Variants in HYDIN observed in about 807,000 individuals in gnomAD.
The protein encoded by HYDIN is HYDIN axonemal central pair apparatus protein, also known as axonemal central pair apparatus protein HYDIN.
In HYDIN, 132 loss-of-function variants were observed where a neutral mutation model predicts 403.9. The observed-to-expected ratio is 0.33, with a 90% CI of 0.28 to 0.38. HYDIN has a LOEUF of 0.38. HYDIN is among the 10% of genes least tolerant of loss of function. The probability of loss-of-function intolerance (pLI) is 1.00; values close to 1 mark genes in which losing one functional copy is unlikely to be tolerated. For missense variants in HYDIN, 2,827 were observed against 5,009.5 expected, an observed-to-expected ratio of 0.56 and a Z score of 13.15; for synonymous variants, 1,202 against 1,891.7, an observed-to-expected ratio of 0.64 and a Z score of 9.46.
At chr16:70,876,107 C>A (rs1480398546) in intron 62 of HYDIN, among the ~76,000 whole-genome samples, 3 of 151,516 alleles carry the variant, frequency 2.0e-5, no homozygotes, top group African/African-American at 7.3e-5. Flanking sequence ...CAAGGTCAGT[C>A]TCACTTTCTG....
At chr16:71,000,926 G>A (rs1422384755) in intron 23 of HYDIN, among the ~76,000 whole-genome samples, 5 of 152,112 alleles carry the variant, frequency 3.3e-5, no homozygotes, top group Admixed American at 6.6e-5. Flanking sequence ...GCTCATGAGC[G>A]CGGACATTGA....
rs771889255 is a variant in HYDIN at position 71,184,901 on chromosome 16, G to A, written c.225C>T (p.Ile75=). ...TTGTTTCCCCCATATCTAAGAGTTC[G>A]ATGATCTGTGGTCGGCACATCAAAC... ...KTRLMCRPQI[I]ELLDMGETTH... The change falls in exon 3 of 86, where the codon ATC becomes ATT. Residue 75 remains isoleucine (I), a synonymous_variant. Transcript: ENST00000393567. 1.2e-5 allele frequency: 20 copies of A among 1,609,376 alleles called. No individual in the cohort carries two copies. Among genetic ancestry groups the A allele is most frequent in the Middle Eastern group, 1.6e-4 (1 of 6,066 alleles).
chr16:70,974,220 CCT>C lies in HYDIN; in HGVS notation c.4988_4989del (p.Gln1663ArgfsTer69), dbSNP rs1460731879. 1 of 1,586,706 alleles carries C rather than the reference CCT, an allele frequency of 6.3e-7. No homozygotes were observed. Among genetic ancestry groups the C allele is most frequent in the African/African-American group, 1.4e-5 (1 of 73,852 alleles). ...TTGCTTCCAACAGGAAGATTGGCCC[CCT>C]GTGGGTCAAATCTCACTTCAAATAT... is the stretch of plus-strand genomic sequence containing the variant. ...TEIFEVRFDP[Q>X]GANLPVGSKE... On this transcript the variant is annotated frameshift_variant, in exon 33 of 86. Coordinates refer to ENST00000393567, the MANE Select transcript of HYDIN (RefSeq NM_001270974.2). LOFTEE classifies it high-confidence loss of function.
At chr16:70,861,158 T>C (rs2039389794) in intron 69 of HYDIN, among the ~76,000 whole-genome samples, 1 of 152,178 alleles carries the variant, frequency 6.6e-6, no homozygotes, top group Non-Finnish European at 1.5e-5. Flanking sequence ...AAAATATTCC[T>C]GCTGCAAAAT....
chr16:70,938,492 G>A lies in HYDIN; in HGVS notation c.6995+122C>T, dbSNP rs569172636. On this transcript the variant is annotated intron_variant, in intron 44 of 85. Coordinates refer to ENST00000393567, the MANE Select transcript of HYDIN (RefSeq NM_001270974.2). The stretch of plus-strand genomic sequence containing the variant: ...CTGCTCCTTGCAGGTCACCTTCCAG[G>A]GCCTTCTGCAGCTCCTGCTGCCTGC... 607 of 735,564 alleles carry A rather than the reference G, an allele frequency of 8.3e-4. 7 individuals are homozygous for A. The South Asian group carries it at 0.01, about 12-fold the overall frequency. 45.6% of individuals were successfully genotyped at this position (735,564 alleles called of 1,614,324 possible).
chr16:71,014,495 G>A (rs997498415), intron 23 of HYDIN, among the ~76,000 whole-genome samples: 3 of 151,654 alleles, frequency 2.0e-5, no homozygotes, highest in Non-Finnish European at 4.4e-5. Flanking sequence ...CTTTGGTGGC[G>A]GGCATGTGAC....
At chr16:70,926,058 CCTCAGGGAT>C (rs1480322627) in intron 45 of HYDIN, among the ~76,000 whole-genome samples, 1 of 150,728 alleles carries the variant, frequency 6.6e-6, no homozygotes, top group Non-Finnish European at 1.5e-5. Context: ...TGTGGCGATT[CCTCAGGGAT>C]CTAGAACTAG....
chr16:71,051,562 C>T (rs1346756156), intron 18 of HYDIN, among the ~76,000 whole-genome samples: 1 of 150,038 alleles, frequency 6.7e-6, no homozygotes, highest in East Asian at 2.0e-4. Context: ...AGGAGAATGG[C>T]ATGAACCCAG....
At chr16:71,105,238 A>G (rs903389248) in intron 10 of HYDIN, among the ~76,000 whole-genome samples, 2 of 152,072 alleles carry the variant, frequency 1.3e-5, no homozygotes, top group Non-Finnish European at 2.9e-5. Flanking sequence ...TTAGAAAAAT[A>G]CCCAGAATAC....
intron 18 of HYDIN, among the ~76,000 whole-genome samples, chr16:71,038,713 T>C (rs2081183108): frequency 6.6e-6 from 1 of 152,278 alleles, no homozygotes; most frequent in Non-Finnish European, 1.5e-5. Context: ...CAGGCTAGAG[T>C]GCAGTGGCGC....
chr16:70,879,416 C>T lies in HYDIN; in HGVS notation c.10438G>A (p.Val3480Met), dbSNP rs878882269. 2.5e-6 allele frequency: 4 copies of T among 1,606,212 alleles called. No individual in the cohort carries two copies. ...GEGNLPRVTV[V>M]RPVLHNQYGN... is the part of the protein sequence containing the mutation. Reference sequence around the variant, plus strand: ...TATTGGTTATGAAGAACTGGCCGCACAACCGTCACTCGAGGGAGGTTCCCC... The same window carrying T: ...TATTGGTTATGAAGAACTGGCCGCATAACCGTCACTCGAGGGAGGTTCCCC... The change falls in exon 62 of 86, where the codon GTG becomes ATG. Residue 3480 changes from valine to methionine, a missense_variant. Coordinates refer to ENST00000393567, the MANE Select transcript of HYDIN (RefSeq NM_001270974.2).
At chr16:71,125,855 A>G (rs1263711317) in intron 9 of HYDIN, among the ~76,000 whole-genome samples, 1 of 151,974 alleles carries the variant, frequency 6.6e-6, no homozygotes, top group Non-Finnish European at 1.5e-5. Flanking sequence ...AGCCTCATGC[A>G]TCACCCAACC....
intron 83 of HYDIN, among the ~76,000 whole-genome samples, chr16:70,822,621 A>G (rs2036339112): frequency 6.6e-6 from 1 of 152,220 alleles, no homozygotes; most frequent in African/African-American, 2.4e-5. Context: ...TTTTCATGAA[A>G]GGAAGAGTTA....
rs978983743 is a variant in HYDIN at position 70,818,333 on chromosome 16, G to A, written c.14658+9C>T. ...TCTCAGGGAGCCCCCGACAGCCAAG[G>A]GGCCGTACCTCGGAGTTGGCAGGCA... On this transcript the variant is annotated intron_variant, in intron 84 of 85. Coordinates refer to ENST00000393567, the MANE Select transcript of HYDIN (RefSeq NM_001270974.2). 3 of 1,606,948 alleles carry A rather than the reference G, an allele frequency of 1.9e-6. No homozygotes were observed. The highest frequency in any genetic ancestry group is 1.7e-5 in the Admixed American group (1 of 59,510).
intron 28 of HYDIN, among the ~76,000 whole-genome samples, chr16:70,983,876 T>C (rs2079108711): frequency 6.6e-6 from 1 of 152,008 alleles, no homozygotes; most frequent in Admixed American, 6.5e-5. Context: ...AAAATCATAA[T>C]AGTAAATATT....
chr16:70,880,345 C>T (rs1300004927), intron 60 of HYDIN, among the ~76,000 whole-genome samples: 9 of 142,162 alleles, frequency 6.3e-5, no homozygotes, highest in East Asian at 2.0e-4. Flanking sequence ...AGGTGTAAGC[C>T]GCCGTGCCGG....
rs747589275 is a variant in HYDIN, at chr16:70,837,847, T to A, written c.13085A>T (p.Asn4362Ile). Residue 4362 changes from asparagine to isoleucine, a missense_variant, in exon 77 of 86, where the codon AAC (asparagine) becomes ATC (isoleucine). Transcript: ENST00000393567. ...LYTNTTHLEV[N>I]SRVDVVKPGN... is the part of the protein sequence containing the mutation. Reference sequence around the variant, plus strand: ...TGGCTTTACCACATCAACACGGGAGTTCACCTCGAGGTGAGTGGTGTTGGT... The same window carrying A: ...TGGCTTTACCACATCAACACGGGAGATCACCTCGAGGTGAGTGGTGTTGGT... The A allele has an allele frequency of 6.2e-7, 1 of 1,613,890 alleles. No homozygotes were observed. Among genetic ancestry groups the A allele is most frequent in the Non-Finnish European group, 8.5e-7 (1 of 1,179,842 alleles).
chr16:70,824,618 C>T (rs900137934), intron 83 of HYDIN, among the ~76,000 whole-genome samples: 6 of 149,840 alleles, frequency 4.0e-5, no homozygotes, highest in Non-Finnish European at 8.9e-5. Flanking sequence ...ACCTCTGCCT[C>T]CTGGGTTCAA....
chr16:71,053,327 T>TATTCC (rs2081731764), intron 18 of HYDIN, among the ~76,000 whole-genome samples: 1 of 152,238 alleles, frequency 6.6e-6, no homozygotes. Context: ...CTCCTAGATA[T>TATTCC]ACTCCCTATT....
Sources: gnomAD v4.1 joint callset for allele counts (sites outside exome capture counted in the v4.1 genomes callset) on GRCh38, gnomAD v4.1.1 for gene constraint, MANE v1.5 for transcripts, NCBI Gene and HGNC (gene_info 2026-07-23, HGNC 2026-07-21) for gene names.